The following HTR1F variants were observed in gnomAD, a reference collection of about 807,000 sequenced individuals.
HTR1F encodes the protein 5-hydroxytryptamine (serotonin) receptor 1F, G protein-coupled.
Under a neutral mutation model 24.0 loss-of-function variants are expected in HTR1F, and 17 were observed. The ratio of observed to expected loss-of-function variants is 0.71; its 90% CI spans 0.48 to 1.06. HTR1F has a LOEUF of 1.06. HTR1F is among the 50% of genes least tolerant of loss of function. The pLI is 0.00. For synonymous variants in HTR1F, 186 were observed against 156.8 expected, an observed-to-expected ratio of 1.19 and a Z score of -1.39; for missense variants, 391 against 427.8, an observed-to-expected ratio of 0.91 and a Z score of 0.76.
chr3:87,827,272 T>C (rs1322705944), intron 2 of HTR1F, among the ~76,000 whole-genome samples: 4 of 152,050 alleles, frequency 2.6e-5, no homozygotes, highest in Admixed American at 6.6e-5. Context: ...CAACAGGCCC[T>C]GGTATGTGTT....
chr3:87,957,561 T>C (rs1399231645), intron 2 of HTR1F, among the ~76,000 whole-genome samples: 2 of 151,460 alleles, frequency 1.3e-5, no homozygotes, highest in Non-Finnish European at 3.0e-5. Flanking sequence ...TGATAGAATT[T>C]ACCAAAGAAA....
At chr3:87,796,294 C>G (rs1447096180) in intron 1 of HTR1F, among the ~76,000 whole-genome samples, 1 of 151,640 alleles carries the variant, frequency 6.6e-6, no homozygotes, top group African/African-American at 2.4e-5. Context: ...ACCAGAGCAA[C>G]AGGAAAAAAT....
chr3:87,885,918 G>C (rs1705929677), intron 2 of HTR1F, among the ~76,000 whole-genome samples: 1 of 152,084 alleles, frequency 6.6e-6, no homozygotes, highest in Admixed American at 6.6e-5. Context: ...GGTATAAAGG[G>C]GAACTGGTAC....
At chr3:87,939,970 A>T (rs1382092838) in intron 2 of HTR1F, among the ~76,000 whole-genome samples, 3 of 152,188 alleles carry the variant, frequency 2.0e-5, no homozygotes, top group Non-Finnish European at 2.9e-5. Flanking sequence ...TGATGATTTT[A>T]GATCTTTCCT....
At chr3:87,946,642 T>G (rs11128013) in intron 2 of HTR1F, among the ~76,000 whole-genome samples, 20,764 of 138,526 alleles carry the variant, frequency 0.15, 1,942 homozygotes, top group African/African-American at 0.28. Flanking sequence ...TTTTTTTTTT[T>G]AAACAGTCTC....
intron 2 of HTR1F, among the ~76,000 whole-genome samples, chr3:87,976,487 AC>A (rs1705397148): frequency 6.6e-6 from 1 of 151,898 alleles, no homozygotes; most frequent in Admixed American, 6.6e-5. Context: ...ACATAGCAAG[AC>A]CCCCATCTCT....
intron 2 of HTR1F, among the ~76,000 whole-genome samples, chr3:87,979,630 C>A (rs1705497951): frequency 6.6e-6 from 1 of 152,188 alleles, no homozygotes; most frequent in Non-Finnish European, 1.5e-5. Flanking sequence ...AGCACCTTTG[C>A]CTGAATTTTA....
intron 2 of HTR1F, among the ~76,000 whole-genome samples, chr3:87,886,818 A>G (rs1313145071): frequency 6.6e-6 from 1 of 152,208 alleles, no homozygotes; most frequent in African/African-American, 2.4e-5. Context: ...CCACTGCTCA[A>G]TGAAATAAAG....
Position 87,923,278 on chromosome 3 carries a change from TA to T in HTR1F, c.-42-67429del, listed in dbSNP as rs750522558. 4.6e-5 allele frequency among the ~76,000 whole-genome samples: 7 copies of T among 152,004 alleles called. No homozygotes were observed. In the South Asian group the frequency reaches 1.0e-3, roughly 22 times the overall value. Reference sequence around the variant, plus strand: ...TGTGGTTTCCATATGAATTTTAGAATATTTTTTTATTTCTGTGAATCATGTT... The same window carrying T: ...TGTGGTTTCCATATGAATTTTAGAATTTTTTTTATTTCTGTGAATCATGTT... On this transcript the variant is annotated intron_variant, in intron 2 of 2. Coordinates refer to ENST00000319595, the MANE Select transcript of HTR1F (RefSeq NM_001322209.2).
intron 2 of HTR1F, among the ~76,000 whole-genome samples, chr3:87,938,114 A>C (rs1243421881): frequency 6.6e-6 from 1 of 152,114 alleles, no homozygotes; most frequent in Non-Finnish European, 1.5e-5. Context: ...AATCAATGTG[A>C]AAAAAGTAAC....
intron 2 of HTR1F, among the ~76,000 whole-genome samples, chr3:87,846,047 T>G (rs1263610930): frequency 6.6e-6 from 1 of 151,872 alleles, no homozygotes; most frequent in Non-Finnish European, 1.5e-5. Flanking sequence ...GGATAAGCAG[T>G]AAACCAAATT....
chr3:87,969,573 A>T (rs960180329), intron 2 of HTR1F, among the ~76,000 whole-genome samples: 1 of 151,974 alleles, frequency 6.6e-6, no homozygotes, highest in Admixed American at 6.6e-5. Flanking sequence ...CTTTACCCCT[A>T]CTGTATCTAG....
At chr3:87,921,725 C>T (rs561359736) in intron 2 of HTR1F, among the ~76,000 whole-genome samples, 1 of 151,932 alleles carries the variant, frequency 6.6e-6, no homozygotes, top group East Asian at 1.9e-4. Flanking sequence ...ATCCACTCTC[C>T]TCGCTACCCT....
chr3:87,927,387 A>T (rs181052282), intron 2 of HTR1F, among the ~76,000 whole-genome samples: 2 of 152,322 alleles, frequency 1.3e-5, no homozygotes, highest in African/African-American at 4.8e-5. Context: ...TTAATATTTT[A>T]AAAATATGCT....
chr3:87,828,286 GT>G (rs1704505919), intron 2 of HTR1F, among the ~76,000 whole-genome samples: 1 of 152,168 alleles, frequency 6.6e-6, no homozygotes, highest in African/African-American at 2.4e-5. Flanking sequence ...TGAACTGGGA[GT>G]GTCATTCACG....
chr3:87,877,404 T>G (rs914760556), intron 2 of HTR1F, among the ~76,000 whole-genome samples: 2 of 152,088 alleles, frequency 1.3e-5, no homozygotes, highest in African/African-American at 2.4e-5. Context: ...ACCCACTCAA[T>G]TTTTAGTGAA....
At chr3:87,844,696 A>T (rs529948561) in intron 2 of HTR1F, among the ~76,000 whole-genome samples, 2 of 138,658 alleles carry the variant, frequency 1.4e-5, no homozygotes, top group Non-Finnish European at 3.0e-5. Flanking sequence ...ATCTTGAATT[A>T]ATTTTTGTAT....
At chr3:87,887,861 A>C (rs1021248579) in intron 2 of HTR1F, among the ~76,000 whole-genome samples, 1 of 152,084 alleles carries the variant, frequency 6.6e-6, no homozygotes, top group Non-Finnish European at 1.5e-5. Flanking sequence ...ACACTTTTAC[A>C]CTGTTGGTGG....
At chr3:87,859,023 C>T (rs1265340506) in intron 2 of HTR1F, among the ~76,000 whole-genome samples, 1 of 152,084 alleles carries the variant, frequency 6.6e-6, no homozygotes, top group African/African-American at 2.4e-5. Flanking sequence ...TGATGAAACC[C>T]TGTCTCTACT....
Sources: allele counts gnomAD v4.1 joint callset (sites outside exome capture counted in the v4.1 genomes callset), GRCh38; gene constraint gnomAD v4.1.1; transcripts MANE v1.5; gene names NCBI Gene and HGNC (gene_info 2026-07-23, HGNC 2026-07-21).